SOS1: variants seen among roughly 807,000 people sequenced by gnomAD.
SOS1 encodes SOS Ras/Rac guanine nucleotide exchange factor 1.
In SOS1, 25 loss-of-function variants were observed where a neutral mutation model predicts 157.6. The observed-to-expected ratio is 0.16, with a 90% confidence interval of 0.12 to 0.22. SOS1 has a LOEUF of 0.22. SOS1 is among the 10% of genes least tolerant of loss of function. The pLI is 1.00. For synonymous variants in SOS1, 528 were observed against 534.0 expected (o/e 0.99, Z 0.16); for missense variants, 1,237 against 1,599.1 (o/e 0.77, Z 3.86).
chr2:39,074,558 A>C (rs1262671031), intron 1 of SOS1, among the ~76,000 whole-genome samples: 1 of 151,734 alleles, frequency 6.6e-6, no homozygotes, highest in African/African-American at 2.4e-5. Flanking sequence ...CTTTCCCATA[A>C]ATAAAATAAA....
chr2:39,061,711 C>G (rs1426689450), intron 2 of SOS1, among the ~76,000 whole-genome samples: 1 of 151,876 alleles, frequency 6.6e-6, no homozygotes, highest in Non-Finnish European at 1.5e-5. Context: ...AAAAAGAAGC[C>G]CAAGGAGGAC....
At chr2:39,087,261 T>C (rs1022108910) in intron 1 of SOS1, among the ~76,000 whole-genome samples, 1 of 152,212 alleles carries the variant, frequency 6.6e-6, no homozygotes, top group Non-Finnish European at 1.5e-5. Flanking sequence ...AGTATTAACA[T>C]AGTAATACTT....
At chr2:39,041,665 A>C (rs1670575491) in intron 6 of SOS1, among the ~76,000 whole-genome samples, 1 of 152,108 alleles carries the variant, frequency 6.6e-6, no homozygotes, top group South Asian at 2.1e-4. Flanking sequence ...ATTGTCTTTG[A>C]TCCATTTTGA....
At chr2:39,041,586 A>G (rs1202172383) in intron 6 of SOS1, among the ~76,000 whole-genome samples, 3 of 152,204 alleles carry the variant, frequency 2.0e-5, no homozygotes, top group African/African-American at 7.2e-5. Flanking sequence ...GGCATTATCT[A>G]AGCATCCTTT....
intron 1 of SOS1, among the ~76,000 whole-genome samples, chr2:39,074,267 T>G (rs1420434040): frequency 6.6e-6 from 1 of 151,710 alleles, no homozygotes; most frequent in African/African-American, 2.4e-5. Flanking sequence ...GGAGAATCGC[T>G]TGAACCCGGG....
intron 8 of SOS1, chr2:39,034,925 G>C (rs2124561768): frequency 1.9e-6 from 1 of 517,958 alleles, no homozygotes; most frequent in East Asian, 4.8e-5. Context: ...AAAGGTACAA[G>C]ACAAAAATAT....
At chr2:39,025,079 C>A (rs1427897810) in intron 8 of SOS1, among the ~76,000 whole-genome samples, 2 of 152,188 alleles carry the variant, frequency 1.3e-5, no homozygotes, top group African/African-American at 4.8e-5. Context: ...ACATCTTAAA[C>A]CTGTTCCTGG....
intron 1 of SOS1, chr2:39,098,247 T>C (rs1021437725): frequency 1.7e-5 from 4 of 234,870 alleles, no homozygotes; most frequent in Non-Finnish European, 3.5e-5. Flanking sequence ...GGGAGAACTC[T>C]ATCTCCAACT....
rs935979621 is a variant in SOS1, at chr2:38,984,504, C to G, written c.*1320G>C. ...TGCTTAGGAACTTAAAACTTACTTA[C>G]AAAGTTCTGCTTAAAAGATACCCAT... On this transcript the variant is annotated 3_prime_UTR_variant, in exon 23 of 23. Transcript: ENST00000402219. The G allele has an allele frequency of 6.6e-6, 1 of 152,120 alleles. No individual in the cohort carries two copies. Among genetic ancestry groups the G allele is most frequent in the Non-Finnish European group, 1.5e-5 (1 of 68,012 alleles). 9.4% of individuals were successfully genotyped at this position (152,120 alleles called of 1,614,324 possible).
At chr2:39,020,259 G>A (rs1375982119) in intron 10 of SOS1, among the ~76,000 whole-genome samples, 1 of 151,588 alleles carries the variant, frequency 6.6e-6, no homozygotes, top group East Asian at 1.9e-4. Flanking sequence ...ATATTTGAGG[G>A]ATAAAGTTGG....
rs886946638 is a variant in SOS1 at position 38,983,733 on chromosome 2, G to A, written c.*2091C>T. ...TCTTAGGGACAATGAGGCTGGCCCA[G>A]TATAAAGTCCAGGGAGATTCTGGAC... is the stretch of plus-strand genomic sequence containing the variant. On this transcript the variant is annotated 3_prime_UTR_variant, in exon 23 of 23. Transcript: ENST00000402219. 1 of 152,184 alleles carries A rather than the reference G, an allele frequency of 6.6e-6. No homozygotes were observed. Among genetic ancestry groups the A allele is most frequent in the South Asian group, 2.1e-4 (1 of 4,830 alleles). The allele number at this position is 152,184 out of a possible 1,614,324, so 9.4% of individuals were successfully genotyped here. A position where few individuals can be genotyped will look rare whatever the true frequency, so the allele number is the denominator to read the frequency against.
intron 1 of SOS1, among the ~76,000 whole-genome samples, chr2:39,079,451 A>T (rs1482562394): frequency 1.3e-5 from 2 of 151,936 alleles, no homozygotes; most frequent in Admixed American, 6.6e-5. Flanking sequence ...AGATGTAATC[A>T]GTAAGGAAAC....
chr2:39,098,299 C>G (rs575824490), intron 1 of SOS1: 1 of 250,784 alleles, frequency 4.0e-6, no homozygotes, highest in East Asian at 1.0e-4. Context: ...ACTTTAGAGT[C>G]TGATCCAACA....
chr2:39,007,551 G>T, intron 15 of SOS1: 1 of 207,882 alleles, frequency 4.8e-6, no homozygotes, highest in East Asian at 1.2e-4. Context: ...GAATTCTGTT[G>T]TGTTCTATTC....
chr2:39,039,720 TTTTTAG>T (rs1670490721), intron 6 of SOS1, among the ~76,000 whole-genome samples: 1 of 152,220 alleles, frequency 6.6e-6, no homozygotes, highest in South Asian at 2.1e-4. Context: ...AATGAGATTA[TTTTTAG>T]TTTAACAGAA....
intron 1 of SOS1, among the ~76,000 whole-genome samples, chr2:39,075,411 A>G (rs1453594321): frequency 6.6e-6 from 1 of 152,208 alleles, no homozygotes; most frequent in African/African-American, 2.4e-5. Context: ...ACAAACCTGA[A>G]ATTCTTTTTT....
chr2:39,069,228 C>T (rs1165456566), intron 1 of SOS1, among the ~76,000 whole-genome samples: 1 of 108,718 alleles, frequency 9.2e-6, no homozygotes, highest in Non-Finnish European at 1.8e-5. Context: ...AAAAAAAGCC[C>T]AGTAGGGTGA....
chr2:39,110,048 G>GTGTT (rs1376311362), intron 1 of SOS1, among the ~76,000 whole-genome samples: 1 of 149,282 alleles, frequency 6.7e-6, no homozygotes, highest in Non-Finnish European at 1.5e-5. Context: ...GCGTGTGTGT[G>GTGTT]TGTGTGTGTG....
intron 1 of SOS1, among the ~76,000 whole-genome samples, chr2:39,077,328 A>T (rs1672039781): frequency 6.6e-6 from 1 of 152,058 alleles, no homozygotes; most frequent in Admixed American, 6.6e-5. Flanking sequence ...TCCAAAAAAA[A>T]AAAAAAGAAA....
Sources: gnomAD v4.1 joint callset for allele counts (sites outside exome capture counted in the v4.1 genomes callset) on GRCh38, gnomAD v4.1.1 for gene constraint, MANE v1.5 for transcripts, NCBI Gene and HGNC (gene_info 2026-07-23, HGNC 2026-07-21) for gene names.